The following SIK3 variants were observed in gnomAD, a reference collection of about 807,000 sequenced individuals.
SIK3 encodes serine/threonine-protein kinase SIK3.
SIK3 carries 28 observed loss-of-function variants against 144.2 expected under a neutral mutation model. That is an observed-to-expected ratio of 0.19 (90% CI 0.14 to 0.27). SIK3 has a LOEUF of 0.27. SIK3 is among the 10% of genes least tolerant of loss of function. SIK3 has a pLI of 1.00. For synonymous variants in SIK3, 686 were observed against 676.3 expected, an observed-to-expected ratio of 1.01 and a Z score of -0.22; for missense variants, 1,319 against 1,776.0, an observed-to-expected ratio of 0.74 and a Z score of 4.62.
At chr11:116,967,240 A>T (rs947889864) in intron 1 of SIK3, among the ~76,000 whole-genome samples, 9 of 152,230 alleles carry the variant, frequency 5.9e-5, no homozygotes, top group Non-Finnish European at 1.0e-4. Flanking sequence ...TCTTCCCAAG[A>T]ACAGCATTTG....
intron 3 of SIK3, among the ~76,000 whole-genome samples, chr11:116,947,914 T>C (rs1380845087): frequency 6.6e-6 from 1 of 151,122 alleles, no homozygotes; most frequent in Non-Finnish European, 1.5e-5. Context: ...TTTCTAGGAA[T>C]TTGTCCATTT....
In SIK3 at chr11:117,073,515, T is replaced by G. The variant is rs1272246974; in HGVS notation, c.273+24628A>C. On this transcript the variant is annotated intron_variant, in intron 1 of 24. Coordinates refer to ENST00000445177, the MANE Select transcript of SIK3 (RefSeq NM_001366686.3). ...AAGAACTTTGGACAAGTTACCTAAG[T>G]GAAGCTCATTTTTCTCAATAGAAAT... Among the ~76,000 whole-genome samples, 4 of 152,210 alleles carry G rather than the reference T, an allele frequency of 2.6e-5. No individual in the cohort carries two copies. The East Asian group carries it at 7.7e-4, about 29-fold the overall frequency.
chr11:117,032,631 C>G (rs559579384), intron 1 of SIK3, among the ~76,000 whole-genome samples: 1 of 151,636 alleles, frequency 6.6e-6, no homozygotes, highest in Non-Finnish European at 1.5e-5. Context: ...CTCAGCCTCC[C>G]GAGTAGCTGG....
At chr11:116,938,141 G>T (rs55967045) in intron 3 of SIK3, among the ~76,000 whole-genome samples, 4,076 of 147,132 alleles carry the variant, frequency 0.028, 85 homozygotes, top group Non-Finnish European at 0.043. Context: ...GGAGGCGGAG[G>T]CTGCAGTGAG....
At chr11:116,896,173 C>T (rs1000769443) in intron 6 of SIK3, 80 bp downstream of exon 6, 7 of 1,574,120 alleles carry the variant, frequency 4.4e-6, no homozygotes, top group Non-Finnish European at 6.1e-6. Flanking sequence ...ATTTATACTC[C>T]ATCACTAAAT....
chr11:116,896,864 A>T (rs1395202704), intron 5 of SIK3, among the ~76,000 whole-genome samples: 2 of 152,088 alleles, frequency 1.3e-5, no homozygotes, highest in African/African-American at 4.8e-5. Flanking sequence ...TGTCTCTATT[A>T]AAAATACAAA....
intron 6 of SIK3, among the ~76,000 whole-genome samples, chr11:116,877,694 G>GT (rs1565399279): frequency 8.5e-5 from 13 of 152,172 alleles, no homozygotes. Context: ...CTGGGAGCTC[G>GT]TATTACAGAT....
intron 1 of SIK3, among the ~76,000 whole-genome samples, chr11:117,058,974 C>T (rs988994598): frequency 6.6e-6 from 1 of 152,122 alleles, no homozygotes; most frequent in Non-Finnish European, 1.5e-5. Flanking sequence ...TTATGGCATC[C>T]ATATGGGATA....
intron 1 of SIK3, among the ~76,000 whole-genome samples, chr11:116,992,326 C>CCCA (rs1555120238): frequency 1.5e-4 from 20 of 131,390 alleles, no homozygotes; most frequent in African/African-American, 5.6e-4. Flanking sequence ...CCCCCCCCCC[C>CCCA]AAAAAAAAAC....
intron 4 of SIK3, among the ~76,000 whole-genome samples, chr11:116,911,651 T>C (rs111822429): frequency 3.9e-5 from 6 of 152,228 alleles, no homozygotes; most frequent in African/African-American, 7.2e-5. Context: ...AGAGGTGGGA[T>C]TGCAGCTTGA....
intron 3 of SIK3, among the ~76,000 whole-genome samples, chr11:116,931,564 G>C (rs771002509): frequency 5.9e-5 from 9 of 152,176 alleles, no homozygotes; most frequent in Non-Finnish European, 1.2e-4. Flanking sequence ...AGCAGGACAA[G>C]CAATAGGCAG....
At chr11:116,936,355 T>C (rs1293912604) in intron 3 of SIK3, among the ~76,000 whole-genome samples, 2 of 152,142 alleles carry the variant, frequency 1.3e-5, no homozygotes, top group Non-Finnish European at 2.9e-5. Flanking sequence ...TTTGTATTTT[T>C]AATAGAGACG....
chr11:116,912,373 C>T (rs564738067), intron 4 of SIK3, among the ~76,000 whole-genome samples: 4 of 152,224 alleles, frequency 2.6e-5, no homozygotes, highest in Non-Finnish European at 4.4e-5. Context: ...GCAAAACGGG[C>T]GGCATTAATT....
At chr11:117,035,294 T>C (rs140166121) in intron 1 of SIK3, among the ~76,000 whole-genome samples, 128 of 152,318 alleles carry the variant, frequency 8.4e-4, no homozygotes, top group African/African-American at 2.6e-3. Flanking sequence ...ATGATGCAGA[T>C]AATATGTTCT....
At chr11:116,966,995 C>G in intron 1 of SIK3, among the ~76,000 whole-genome samples, 1 of 98,270 alleles carries the variant, frequency 1.0e-5, no homozygotes, top group African/African-American at 5.5e-5. Flanking sequence ...CAGAGCAAGA[C>G]TCTGTTTCAA....
intron 1 of SIK3, among the ~76,000 whole-genome samples, chr11:117,026,267 GA>G (rs1952004686): frequency 6.6e-6 from 1 of 152,146 alleles, no homozygotes; most frequent in Non-Finnish European, 1.5e-5. Flanking sequence ...AGGAGCAACA[GA>G]CCATACCACA....
intron 6 of SIK3, among the ~76,000 whole-genome samples, chr11:116,883,614 A>C (rs1478359068): frequency 6.6e-6 from 1 of 152,224 alleles, no homozygotes; most frequent in Non-Finnish European, 1.5e-5. Context: ...TTAAAAATGT[A>C]AACAAATAGA....
intron 1 of SIK3, among the ~76,000 whole-genome samples, chr11:116,998,838 T>C (rs1329322617): frequency 6.6e-6 from 1 of 152,224 alleles, no homozygotes; most frequent in Non-Finnish European, 1.5e-5. Context: ...TAAATTTTTG[T>C]TTACTATAAG....
At chr11:116,946,362 G>C (rs111423948) in intron 3 of SIK3, among the ~76,000 whole-genome samples, 3,061 of 151,474 alleles carry the variant, frequency 0.02, 97 homozygotes, top group African/African-American at 0.07. Flanking sequence ...AAAAGACTTT[G>C]TCACTTACGG....
Sources: gnomAD v4.1 joint callset for allele counts (sites outside exome capture counted in the v4.1 genomes callset) on GRCh38, gnomAD v4.1.1 for gene constraint, MANE v1.5 for transcripts, NCBI Gene and HGNC (gene_info 2026-07-23, HGNC 2026-07-21) for gene names.